Variants in ZNF385D observed in about 807,000 individuals in gnomAD.
ZNF385D encodes zinc finger protein 659.
In ZNF385D, 15 loss-of-function variants were observed where a neutral mutation model predicts 35.8. The ratio of observed to expected loss-of-function variants is 0.42; its 90% CI spans 0.28 to 0.64. The LOEUF (loss-of-function observed/expected upper bound fraction) is 0.64, where lower values mean the gene tolerates loss of function less well. Among genes scored for constraint, ZNF385D ranks in the 30% least tolerant of loss-of-function variants. The probability of loss-of-function intolerance (pLI) is 0.23; values close to 1 mark genes in which losing one functional copy is unlikely to be tolerated. For synonymous variants in ZNF385D, 212 were observed against 186.8 expected (o/e 1.13, Z -1.10); for missense variants, 474 against 494.6 (o/e 0.96, Z 0.39).
chr3:21,874,467 T>G (rs1173152690), intron 3 of ZNF385D, among the ~76,000 whole-genome samples: 1 of 152,116 alleles, frequency 6.6e-6, no homozygotes, highest in Non-Finnish European at 1.5e-5. Flanking sequence ...TCTTCATCTG[T>G]TGATTGCTTT....
intron 2 of ZNF385D, among the ~76,000 whole-genome samples, chr3:22,326,451 T>C (rs1694683112): frequency 6.6e-6 from 1 of 152,174 alleles, no homozygotes; most frequent in African/African-American, 2.4e-5. Flanking sequence ...TGTGGCTTAA[T>C]TATCTCCTGT....
chr3:21,454,402 G>C (rs1190818684), intron 4 of ZNF385D, among the ~76,000 whole-genome samples: 1 of 152,058 alleles, frequency 6.6e-6, no homozygotes, highest in African/African-American at 2.4e-5. Flanking sequence ...AGTGGCCAAA[G>C]TTCCTATGTG....
At chr3:21,748,356 G>A (rs2069883934) in intron 1 of ZNF385D, among the ~76,000 whole-genome samples, 1 of 139,480 alleles carries the variant, frequency 7.2e-6, no homozygotes, top group African/African-American at 2.6e-5. Context: ...AGGGGAAGGA[G>A]GAATGAATTG....
intron 3 of ZNF385D, among the ~76,000 whole-genome samples, chr3:21,808,685 G>C (rs963757361): frequency 1.3e-5 from 2 of 152,198 alleles, no homozygotes; most frequent in African/African-American, 4.8e-5. Context: ...TTCCCAACTA[G>C]AGAGTAGGGG....
intron 3 of ZNF385D, among the ~76,000 whole-genome samples, chr3:21,763,674 A>G (rs1350463671): frequency 2.0e-5 from 3 of 152,138 alleles, no homozygotes; most frequent in Non-Finnish European, 4.4e-5. Flanking sequence ...AGTTAAATAA[A>G]ATCATACTCT....
At chr3:22,129,299 T>C (rs911290110) in intron 3 of ZNF385D, among the ~76,000 whole-genome samples, 3 of 152,160 alleles carry the variant, frequency 2.0e-5, no homozygotes, top group Non-Finnish European at 4.4e-5. Context: ...AACAAGCTGG[T>C]TCTTGCCTAA....
chr3:21,423,861 G>A, intron 7 of ZNF385D, 102 bp downstream of exon 7: 1 of 1,030,852 alleles, frequency 9.7e-7, no homozygotes, highest in South Asian at 1.6e-5. Context: ...AAAGGTAAAA[G>A]GTACTGGGCT....
chr3:22,186,139 C>T (rs1452314262), intron 2 of ZNF385D, among the ~76,000 whole-genome samples: 4 of 152,054 alleles, frequency 2.6e-5, no homozygotes, highest in Non-Finnish European at 2.9e-5. Context: ...GTTTACTTCA[C>T]GTAATTGGAG....
At chr3:21,831,931 T>A (rs1211135267) in intron 3 of ZNF385D, among the ~76,000 whole-genome samples, 1 of 152,208 alleles carries the variant, frequency 6.6e-6, no homozygotes, top group Non-Finnish European at 1.5e-5. Context: ...AAACATCTTA[T>A]GAGAAATGGG....
rs55917153 is a variant in ZNF385D at position 21,936,392 on chromosome 3, A to ATT, written c.325+232423_325+232424dup. Among the ~76,000 whole-genome samples the ATT allele has an allele frequency of 6.3e-3, 935 of 148,942 alleles. 4 individuals carry two copies. Among genetic ancestry groups the ATT allele is most frequent in the Non-Finnish European group, 0.01 (692 of 67,160 alleles). Reference sequence around the variant, plus strand: ...AGCATATTAGCTGAGATGTGTAACAATTTTTTTTTTTTGGCTATGTCAGCA... The same window carrying ATT: ...AGCATATTAGCTGAGATGTGTAACAATTTTTTTTTTTTTTGGCTATGTCAGCA... On this transcript the variant is annotated intron_variant, in intron 3 of 5. Coordinates refer to the ZNF385D transcript ENST00000494108.
At chr3:22,005,454 A>G (rs989559480) in intron 3 of ZNF385D, among the ~76,000 whole-genome samples, 1 of 152,088 alleles carries the variant, frequency 6.6e-6, no homozygotes, top group Non-Finnish European at 1.5e-5. Context: ...ATTTTTAACA[A>G]CAATATATTA....
intron 2 of ZNF385D, among the ~76,000 whole-genome samples, chr3:22,262,258 T>A (rs1249859751): frequency 6.6e-6 from 1 of 151,860 alleles, no homozygotes; most frequent in East Asian, 2.0e-4. Context: ...AATCTTTGCA[T>A]TACTAGAGGC....
At chr3:22,032,132 T>C (rs1330351918) in intron 3 of ZNF385D, among the ~76,000 whole-genome samples, 1 of 152,214 alleles carries the variant, frequency 6.6e-6, no homozygotes, top group Middle Eastern at 3.2e-3. Context: ...TATAAGCATT[T>C]TGTCAAAACC....
At chr3:21,907,145 C>A (rs1337617662) in intron 3 of ZNF385D, among the ~76,000 whole-genome samples, 2 of 152,110 alleles carry the variant, frequency 1.3e-5, no homozygotes, top group African/African-American at 4.8e-5. Flanking sequence ...GGCAGTCGGG[C>A]AATCCAATGG....
At chr3:21,769,726 G>A (rs200935758) in intron 3 of ZNF385D, among the ~76,000 whole-genome samples, 2 of 117,166 alleles carry the variant, frequency 1.7e-5, no homozygotes, top group Non-Finnish European at 3.5e-5. Context: ...CACAGAATTG[G>A]AAAAAACTAC....
chr3:21,753,610 A>G (rs1278386229), upstream of ZNF385D, among the ~76,000 whole-genome samples: 1 of 152,226 alleles, frequency 6.6e-6, no homozygotes, highest in African/African-American at 2.4e-5. Flanking sequence ...CTTCCCTGCA[A>G]TTAAGGCTTA....
chr3:21,498,731 C>G (rs1333448033), intron 4 of ZNF385D, among the ~76,000 whole-genome samples: 2 of 151,978 alleles, frequency 1.3e-5, no homozygotes, highest in Admixed American at 6.6e-5. Flanking sequence ...ATCACAAGGT[C>G]AAGAGATCGA....
At chr3:21,910,684 A>T (rs1699919940) in intron 3 of ZNF385D, among the ~76,000 whole-genome samples, 1 of 151,766 alleles carries the variant, frequency 6.6e-6, no homozygotes. Context: ...TCAAAATATG[A>T]ACGTAGAAAA....
At chr3:21,989,495 C>G (rs1420720191) in intron 3 of ZNF385D, among the ~76,000 whole-genome samples, 1 of 152,078 alleles carries the variant, frequency 6.6e-6, no homozygotes, top group African/African-American at 2.4e-5. Flanking sequence ...CAATTATTAG[C>G]AAATAATTAT....
Sources: allele counts gnomAD v4.1 joint callset (sites outside exome capture counted in the v4.1 genomes callset), GRCh38; gene constraint gnomAD v4.1.1; transcripts MANE v1.5; gene names NCBI Gene and HGNC (gene_info 2026-07-23, HGNC 2026-07-21).